Variants in PVT1 observed in about 807,000 individuals in gnomAD.
PVT1 encodes Pvt1 oncogene, also known as CXCR4/PVT1 fusion.
chr8:127,824,946 C>A (rs1814770197), intron 2 of PVT1, among the ~76,000 whole-genome samples: 2 of 151,788 alleles, frequency 1.3e-5, no homozygotes, highest in East Asian at 3.9e-4. Context: ...ATGGTGAAAC[C>A]GCATCTCCAC....
intron 4 of PVT1, among the ~76,000 whole-genome samples, chr8:128,040,801 C>G (rs1813521533): frequency 6.8e-6 from 1 of 147,518 alleles, no homozygotes; most frequent in Non-Finnish European, 1.5e-5. Context: ...TGTTTGAGTG[C>G]TTCTGTGTGT....
intron 2 of PVT1, among the ~76,000 whole-genome samples, chr8:127,796,251 G>GTT (rs149513545): frequency 6.6e-6 from 1 of 151,692 alleles, no homozygotes; most frequent in African/African-American, 2.4e-5. Context: ...GTTTTGTTTT[G>GTT]TTTTTTTTCT....
At chr8:127,822,086 C>A (rs1226119079) in intron 2 of PVT1, among the ~76,000 whole-genome samples, 1 of 152,172 alleles carries the variant, frequency 6.6e-6, no homozygotes, top group Non-Finnish European at 1.5e-5. Flanking sequence ...TGCAATAGTG[C>A]ATGCTTCATA....
At chr8:127,874,690 C>T (rs1012813852) in intron 2 of PVT1, among the ~76,000 whole-genome samples, 6 of 152,132 alleles carry the variant, frequency 3.9e-5, no homozygotes, top group African/African-American at 7.2e-5. Context: ...GATTGTGAAG[C>T]GGGTTTGAGA....
intron 4 of PVT1, among the ~76,000 whole-genome samples, chr8:128,039,655 G>C (rs990765778): frequency 1.3e-5 from 2 of 152,192 alleles, no homozygotes; most frequent in African/African-American, 4.8e-5. Flanking sequence ...AAGGACTTTG[G>C]CTCTTTCTCT....
intron 3 of PVT1, among the ~76,000 whole-genome samples, chr8:127,919,755 G>GGA (rs1210661375): frequency 6.6e-6 from 1 of 152,154 alleles, no homozygotes; most frequent in African/African-American, 2.4e-5. Context: ...GGTGTCCTGG[G>GGA]GACTCGGGGA....
At chr8:128,020,414 G>C (rs909004664) in intron 4 of PVT1, among the ~76,000 whole-genome samples, 1 of 152,176 alleles carries the variant, frequency 6.6e-6, no homozygotes, top group Non-Finnish European at 1.5e-5. Flanking sequence ...TGCCATGAAA[G>C]ATTGTAAGTG....
intron 4 of PVT1, among the ~76,000 whole-genome samples, chr8:128,040,364 C>T (rs1047478345): frequency 1.3e-4 from 20 of 152,206 alleles, no homozygotes; most frequent in Non-Finnish European, 2.5e-4. Flanking sequence ...AGTATCAGCT[C>T]TTCCTAGGGG....
chr8:127,928,330 C>CT (rs386413971), intron 3 of PVT1, among the ~76,000 whole-genome samples: 2 of 81,186 alleles, frequency 2.5e-5, no homozygotes, highest in Non-Finnish European at 7.0e-5. Flanking sequence ...TATCCTCTGA[C>CT]CCCCACCCTG....
intron 2 of PVT1, among the ~76,000 whole-genome samples, chr8:127,815,209 C>T (rs1456768034): frequency 6.6e-6 from 1 of 152,182 alleles, no homozygotes; most frequent in Non-Finnish European, 1.5e-5. Context: ...TCAGGTGATC[C>T]ACCCTCCTCG....
intron 3 of PVT1, among the ~76,000 whole-genome samples, chr8:127,949,681 G>A (rs1586451220): frequency 6.6e-6 from 1 of 152,228 alleles, no homozygotes; most frequent in East Asian, 1.9e-4. Flanking sequence ...AGCAGATGAC[G>A]CTGAAACCCG....
At chr8:127,974,968 A>G (rs75991669) in intron 3 of PVT1, among the ~76,000 whole-genome samples, 3,413 of 152,214 alleles carry the variant, frequency 0.022, 72 homozygotes, top group Non-Finnish European at 0.038. Context: ...TGTACCCTAA[A>G]TATTTTTTCA....
intron 2 of PVT1, among the ~76,000 whole-genome samples, chr8:127,868,803 GTACA>G (rs1563625725): frequency 8.8e-4 from 48 of 54,530 alleles, no homozygotes; most frequent in East Asian, 3.1e-3. Flanking sequence ...ACATATATAT[GTACA>G]TATATATATA....
intron 3 of PVT1, among the ~76,000 whole-genome samples, chr8:127,952,190 C>T (rs947020051): frequency 6.6e-6 from 1 of 152,190 alleles, no homozygotes; most frequent in Non-Finnish European, 1.5e-5. Flanking sequence ...ATGCCTGGCT[C>T]ACGACCGATT....
intron 4 of PVT1, among the ~76,000 whole-genome samples, chr8:128,064,385 C>T (rs1167596375): frequency 6.6e-6 from 1 of 152,230 alleles, no homozygotes; most frequent in Non-Finnish European, 1.5e-5. Flanking sequence ...AAGCCATGCA[C>T]CGTCATCTTT....
At chr8:127,859,117 G>A (rs768532015) in intron 2 of PVT1, among the ~76,000 whole-genome samples, 3 of 151,966 alleles carry the variant, frequency 2.0e-5, no homozygotes, top group Non-Finnish European at 2.9e-5. Context: ...CTGAAGGCTC[G>A]TTTGTAATGG....
chr8:127,924,270 A>G (rs185302348), intron 3 of PVT1, among the ~76,000 whole-genome samples: 2 of 152,262 alleles, frequency 1.3e-5, no homozygotes, highest in Non-Finnish European at 2.9e-5. Context: ...TAGCAGCTTT[A>G]TTGAGATATA....
intron 4 of PVT1, among the ~76,000 whole-genome samples, chr8:128,034,189 C>T (rs957602822): frequency 6.6e-6 from 1 of 151,918 alleles, no homozygotes; most frequent in Non-Finnish European, 1.5e-5. Context: ...CCTTCTCCTC[C>T]TCCTCTTCTT....
intron 4 of PVT1, chr8:128,009,023 A>G: frequency 2.1e-6 from 1 of 470,020 alleles, no homozygotes; most frequent in Admixed American, 2.0e-5. Context: ...TGGCTGAACT[A>G]ACATTAATAC....
Sources: gnomAD v4.1 joint callset for allele counts (sites outside exome capture counted in the v4.1 genomes callset) on GRCh38, gnomAD v4.1.1 for gene constraint, MANE v1.5 for transcripts, NCBI Gene and HGNC (gene_info 2026-07-23, HGNC 2026-07-21) for gene names.